The following MIPOL1 variants were observed in gnomAD, a reference collection of about 807,000 sequenced individuals.
MIPOL1 encodes the protein mirror-image polydactyly 1, also known as mirror-image polydactyly gene 1 protein.
MIPOL1 carries 57 observed loss-of-function variants against 60.9 expected under a neutral mutation model. That is an observed-to-expected ratio of 0.94 (90% CI 0.76 to 1.17). The LOEUF (loss-of-function observed/expected upper bound fraction) is 1.17, where lower values mean the gene tolerates loss of function less well. MIPOL1 is among the 50% of genes most tolerant of loss of function. The probability of loss-of-function intolerance (pLI) is 0.00; values close to 1 mark genes in which losing one functional copy is unlikely to be tolerated. For missense variants in MIPOL1, 551 were observed against 511.6 expected, an observed-to-expected ratio of 1.08 and a Z score of -0.74; for synonymous variants, 179 against 168.8, an observed-to-expected ratio of 1.06 and a Z score of -0.47.
intron 10 of MIPOL1, among the ~76,000 whole-genome samples, chr14:37,404,311 A>G (rs1253848683): frequency 6.6e-6 from 1 of 152,172 alleles, no homozygotes; most frequent in African/African-American, 2.4e-5. Flanking sequence ...AGGAAATATA[A>G]GCTAGGGAAC....
Position 37,226,351 on chromosome 14 carries a change from A to C in MIPOL1, c.-198-20752A>C, listed in dbSNP as rs115685825. On this transcript the variant is annotated intron_variant, in intron 1 of 12. Transcript: ENST00000684589. ...CAAAAGAAAGAGGTTTAATGGATTCACAGTTCCATGTGGTGGACTCACAGT... is the reference window on the plus strand; with the variant it reads ...CAAAAGAAAGAGGTTTAATGGATTCCCAGTTCCATGTGGTGGACTCACAGT... 2.5e-3 allele frequency among the ~76,000 whole-genome samples: 376 copies of C among 152,332 alleles called. 1 individual carries two copies. The highest frequency in any genetic ancestry group is 8.9e-3 in the African/African-American group (369 of 41,580).
intron 9 of MIPOL1, among the ~76,000 whole-genome samples, chr14:37,363,013 C>T (rs1173772099): frequency 1.3e-5 from 2 of 152,116 alleles, no homozygotes; most frequent in Non-Finnish European, 2.9e-5. Flanking sequence ...GTTCGTCCAA[C>T]CTTTTTTCAA....
chr14:37,204,357 G>A (rs1432381813), intron 1 of MIPOL1, among the ~76,000 whole-genome samples: 1 of 152,136 alleles, frequency 6.6e-6, no homozygotes, highest in African/African-American at 2.4e-5. Context: ...GTTGAATTTG[G>A]GTTTAATGTG....
intron 11 of MIPOL1, among the ~76,000 whole-genome samples, chr14:37,444,109 T>C (rs1050978678): frequency 3.3e-5 from 5 of 152,152 alleles, no homozygotes; most frequent in Non-Finnish European, 5.9e-5. Context: ...TATTAAAAAT[T>C]GGAAAAATAA....
intron 6 of MIPOL1, among the ~76,000 whole-genome samples, chr14:37,274,041 A>G (rs1214496928): frequency 6.6e-6 from 1 of 151,528 alleles, no homozygotes; most frequent in Non-Finnish European, 1.5e-5. Context: ...TTGAAAGGGC[A>G]CTAAACTGAA....
intron 9 of MIPOL1, among the ~76,000 whole-genome samples, chr14:37,335,906 T>G (rs1388600021): frequency 6.6e-6 from 1 of 152,132 alleles, no homozygotes; most frequent in Non-Finnish European, 1.5e-5. Flanking sequence ...TTTTTAATTT[T>G]GATATAGTCC....
chr14:37,391,848 G>A (rs974726226), intron 10 of MIPOL1, among the ~76,000 whole-genome samples: 1 of 152,062 alleles, frequency 6.6e-6, no homozygotes, highest in Admixed American at 6.6e-5. Flanking sequence ...ATTTATATTA[G>A]ACTGTTATAA....
chr14:37,310,171 C>A (rs948747556), intron 9 of MIPOL1, among the ~76,000 whole-genome samples: 2 of 111,248 alleles, frequency 1.8e-5, no homozygotes, highest in Non-Finnish European at 3.6e-5. Context: ...ACTCACCCAG[C>A]AAAATCAAAA....
chr14:37,373,040 G>T (rs1163512647), intron 10 of MIPOL1, among the ~76,000 whole-genome samples: 1 of 152,122 alleles, frequency 6.6e-6, no homozygotes, highest in Non-Finnish European at 1.5e-5. Flanking sequence ...GTCTCACTCA[G>T]TCGCCCTGGC....
chr14:37,523,486 A>C (rs1329742327), intron 12 of MIPOL1: 2 of 420,076 alleles, frequency 4.8e-6, no homozygotes, highest in Non-Finnish European at 8.4e-6. Flanking sequence ...TCAAATACAA[A>C]TCTATTTCAT....
intron 12 of MIPOL1, among the ~76,000 whole-genome samples, chr14:37,532,835 G>A (rs1329529787): frequency 6.6e-6 from 1 of 152,054 alleles, no homozygotes; most frequent in African/African-American, 2.4e-5. Context: ...TATATATGAT[G>A]CTAGTAACAT....
At chr14:37,545,869 G>C (rs2095545461) in intron 12 of MIPOL1, 1 of 381,164 alleles carries the variant, frequency 2.6e-6, no homozygotes, top group South Asian at 8.6e-5. Context: ...ATATAAATGA[G>C]GCAAACTGTG....
chr14:37,414,144 A>C (rs2093724708), intron 10 of MIPOL1, among the ~76,000 whole-genome samples: 1 of 152,152 alleles, frequency 6.6e-6, no homozygotes, highest in African/African-American at 2.4e-5. Flanking sequence ...AATCAAATCT[A>C]ACATAATATA....
intron 9 of MIPOL1, among the ~76,000 whole-genome samples, chr14:37,342,753 TTAGA>T (rs1188778067): frequency 2.0e-5 from 3 of 152,118 alleles, no homozygotes; most frequent in African/African-American, 7.2e-5. Flanking sequence ...CATAATAATC[TTAGA>T]TAGTATTACG....
intron 6 of MIPOL1, among the ~76,000 whole-genome samples, chr14:37,285,014 T>G (rs2084431613): frequency 6.6e-6 from 1 of 152,228 alleles, no homozygotes; most frequent in African/African-American, 2.4e-5. Flanking sequence ...TTCAGATGGT[T>G]GTAGAAATAT....
Position 37,268,716 on chromosome 14 carries a change from A to C in MIPOL1, c.310A>C (p.Thr104Pro), listed in dbSNP as rs1416294525. Residue 104 changes from threonine to proline, a missense_variant, in exon 5 of 13, where the codon ACT becomes CCT. By Grantham distance (38) the Thr-to-Pro change is conservative. Coordinates refer to ENST00000684589, the MANE Select transcript of MIPOL1 (RefSeq NM_001388067.1). Reference sequence around the variant, plus strand: ...TGAATGTATGACTCCTTGTCAAGTTACTTCAGACTCAGATAAAGAGAAGAC... The same window carrying C: ...TGAATGTATGACTCCTTGTCAAGTTCCTTCAGACTCAGATAAAGAGAAGAC... ...HYECMTPCQV[T>P]SDSDKEKTIA... is the part of the protein sequence containing the mutation. 1 of 1,601,624 alleles carries C rather than the reference A, an allele frequency of 6.2e-7. No homozygotes were observed. Among genetic ancestry groups the C allele is most frequent in the Admixed American group, 1.7e-5 (1 of 58,838 alleles).
chr14:37,406,102 C>A (rs1424993741), intron 10 of MIPOL1, among the ~76,000 whole-genome samples: 1 of 151,880 alleles, frequency 6.6e-6, no homozygotes, highest in African/African-American at 2.4e-5. Flanking sequence ...ATTTGATAGA[C>A]AATTATTATG....
At chr14:37,538,544 C>T (rs1412794764) in intron 12 of MIPOL1, among the ~76,000 whole-genome samples, 2 of 152,080 alleles carry the variant, frequency 1.3e-5, no homozygotes, top group Non-Finnish European at 1.5e-5. Flanking sequence ...TGAAATCTGA[C>T]AGGGATAAAT....
At chr14:37,312,937 CA>C (rs1567416895) in intron 9 of MIPOL1, among the ~76,000 whole-genome samples, 1 of 152,002 alleles carries the variant, frequency 6.6e-6, no homozygotes, top group African/African-American at 2.4e-5. Flanking sequence ...TCTATACAAA[CA>C]AAAAATTTAG....
Sources: gnomAD v4.1 joint callset for allele counts (sites outside exome capture counted in the v4.1 genomes callset) on GRCh38, gnomAD v4.1.1 for gene constraint, MANE v1.5 for transcripts, NCBI Gene and HGNC (gene_info 2026-07-23, HGNC 2026-07-21) for gene names.